The following ELAVL4 variants were observed in gnomAD, a reference collection of about 807,000 sequenced individuals.
ELAVL4 encodes the protein ELAV like RNA binding protein 4, also known as ELAV-like protein 4.
In ELAVL4, 1 loss-of-function variant was observed where a neutral mutation model predicts 35.6. The ratio of observed to expected loss-of-function variants is 0.03; its 90% confidence interval spans 0.01 to 0.13. The LOEUF (loss-of-function observed/expected upper bound fraction) is 0.13. ELAVL4 is among the 10% of genes least tolerant of loss of function. The probability of loss-of-function intolerance (pLI) is 1.00; values close to 1 mark genes in which losing one functional copy is unlikely to be tolerated. For missense variants in ELAVL4, 267 were observed against 464.9 expected, an observed-to-expected ratio of 0.57 and a Z score of 3.91; for synonymous variants, 156 against 171.0, an observed-to-expected ratio of 0.91 and a Z score of 0.69.
intron 3 of ELAVL4, among the ~76,000 whole-genome samples, chr1:50,189,482 G>A (rs1408620537): frequency 6.6e-6 from 1 of 152,246 alleles, no homozygotes; most frequent in East Asian, 1.9e-4. Context: ...AAAGCAGTGG[G>A]ATCTGTGGAA....
At chr1:50,196,617 A>T (rs1313406629) in intron 5 of ELAVL4, among the ~76,000 whole-genome samples, 4 of 152,216 alleles carry the variant, frequency 2.6e-5, no homozygotes, top group African/African-American at 9.6e-5. Flanking sequence ...AGTATGCTCC[A>T]TCTGGCTACA....
Position 50,109,016 on chromosome 1 carries a change from C to CGGGGGGGCG in ELAVL4, c.-174_-173insGGGGGGGCG. 7.5e-5 allele frequency: 68 copies of CGGGGGGGCG among 904,258 alleles called. No homozygotes were observed. Among genetic ancestry groups the CGGGGGGGCG allele is most frequent in the East Asian group, 1.2e-4 (1 of 8,068 alleles). 56.0% of individuals were successfully genotyped at this position (904,258 alleles called of 1,614,324 possible). A position where few individuals can be genotyped will look rare whatever the true frequency, so the allele number is the denominator to read the frequency against. On this transcript the variant is annotated 5_prime_UTR_variant, in exon 1 of 7. Coordinates refer to ENST00000371824, the MANE Select transcript of ELAVL4 (RefSeq NM_001144774.3). ...CTCCTTTTCTTTTTTTTCTTTCTCT[C>CGGGGGGGCG]CCCCGCCCACCCCCCCAAAAATAAT... is the stretch of plus-strand genomic sequence containing the variant.
upstream of ELAVL4, among the ~76,000 whole-genome samples, chr1:50,103,064 T>C (rs1379620896): frequency 6.6e-6 from 1 of 152,208 alleles, no homozygotes; most frequent in Non-Finnish European, 1.5e-5. Context: ...AAAGGAAACT[T>C]TTACTTTCAG....
Position 50,109,144 on chromosome 1 carries a change from A to C in ELAVL4, c.-46A>C, listed in dbSNP as rs776135039. ...ATATTCTGAAATCTTTGCAAATTTT[A>C]ACAGAAGAGTCGAAGCTCTGCGAGA... is the stretch of plus-strand genomic sequence containing the variant. On this transcript the variant is annotated 5_prime_UTR_variant, in exon 1 of 7. Coordinates refer to ENST00000371824, the MANE Select transcript of ELAVL4 (RefSeq NM_001144774.3). 55 of 1,595,310 alleles carry C rather than the reference A, an allele frequency of 3.4e-5. No individual in the cohort carries two copies. The highest frequency in any genetic ancestry group is 4.6e-5 in the Non-Finnish European group (54 of 1,173,872).
upstream of ELAVL4, chr1:50,103,844 C>T (rs529622245): frequency 2.7e-6 from 4 of 1,501,030 alleles, no homozygotes; most frequent in Non-Finnish European, 3.6e-6. Context: ...GTAATCCAGA[C>T]AGCCGGAACA....
In ELAVL4 at chr1:50,172,631, C is replaced by T. The variant is rs569258209; in HGVS notation, c.251-4458C>T. Among the ~76,000 whole-genome samples the T allele has an allele frequency of 3.3e-5, 5 of 152,274 alleles. No homozygotes were observed. The South Asian group carries it at 1.0e-3, about 32-fold the overall frequency. ...GGCAGAGTTGTCAGGGACCCTAAGA[C>T]CTACCAAGCCTAAACTACTTACTGT... On this transcript the variant is annotated intron_variant, in intron 2 of 6. Transcript: ENST00000371824.
upstream of ELAVL4, chr1:50,106,324 G>T: frequency 6.2e-7 from 1 of 1,613,572 alleles, no homozygotes; most frequent in Non-Finnish European, 8.5e-7. Flanking sequence ...GTGGCAAGGG[G>T]CTGACTGATA....
Position 50,130,496 on chromosome 1 carries a change from G to C in ELAVL4, c.10-14461G>C, listed in dbSNP as rs372017467. Reference sequence around the variant, plus strand: ...AGACACCTCTCACCATTTCTTATTAGTACCATTGGAAGGACTTAATGATAA... The same window carrying C: ...AGACACCTCTCACCATTTCTTATTACTACCATTGGAAGGACTTAATGATAA... On this transcript the variant is annotated intron_variant, in intron 1 of 6. Transcript: ENST00000371824. 1.2e-4 allele frequency among the ~76,000 whole-genome samples: 18 copies of C among 152,236 alleles called. No individual in the cohort carries two copies. The East Asian group carries it at 3.3e-3, about 28-fold the overall frequency.
intron 3 of ELAVL4, among the ~76,000 whole-genome samples, chr1:50,179,147 C>A (rs1195413500): frequency 6.6e-6 from 1 of 152,000 alleles, no homozygotes; most frequent in Non-Finnish European, 1.5e-5. Flanking sequence ...TGCCTCCTTC[C>A]GTTATCTATA....
chr1:50,063,597 G>A (rs753233834), intron 1 of ELAVL4, among the ~76,000 whole-genome samples: 6 of 151,872 alleles, frequency 4.0e-5, no homozygotes, highest in Non-Finnish European at 7.4e-5. Context: ...AGACCTCTTC[G>A]AGCGTTTCCA....
intron 2 of ELAVL4, among the ~76,000 whole-genome samples, chr1:50,167,839 C>T (rs570940492): frequency 2.0e-5 from 3 of 152,150 alleles, no homozygotes; most frequent in Non-Finnish European, 4.4e-5. Context: ...CAGTTTTTGA[C>T]CACTCAGAGA....
upstream of ELAVL4, among the ~76,000 whole-genome samples, chr1:50,104,303 T>C (rs780634630): frequency 2.6e-5 from 4 of 152,224 alleles, no homozygotes; most frequent in African/African-American, 4.8e-5. Context: ...AATATTTTAT[T>C]TACTAGGCTG....
upstream of ELAVL4, among the ~76,000 whole-genome samples, chr1:50,103,200 T>C (rs917560149): frequency 6.6e-6 from 1 of 152,208 alleles, no homozygotes; most frequent in African/African-American, 2.4e-5. Context: ...AGACATCCAT[T>C]TGTCACATTT....
chr1:50,104,322 T>C (rs950592415), upstream of ELAVL4, among the ~76,000 whole-genome samples: 5 of 152,244 alleles, frequency 3.3e-5, no homozygotes, highest in East Asian at 9.6e-4. Context: ...TGATTACATT[T>C]TAATGTTTGA....
chr1:50,074,488 T>C (rs542999928), intron 1 of ELAVL4, among the ~76,000 whole-genome samples: 11 of 152,336 alleles, frequency 7.2e-5, no homozygotes, highest in Non-Finnish European at 1.6e-4. Flanking sequence ...CAGCAACCTT[T>C]TGTCAAATAT....
intron 3 of ELAVL4, among the ~76,000 whole-genome samples, chr1:50,181,757 C>T (rs1234094529): frequency 6.6e-6 from 1 of 152,164 alleles, no homozygotes; most frequent in African/African-American, 2.4e-5. Context: ...GATCTGGGCT[C>T]ACAGCAACCT....
rs192757396 is a variant in ELAVL4, at chr1:50,109,108, A to T, written c.-82A>T. 10,837 of 1,520,718 alleles carry T rather than the reference A, an allele frequency of 7.1e-3. 50 individuals are homozygous for T. Among genetic ancestry groups the T allele is most frequent in the Non-Finnish European group, 8.8e-3 (10,038 of 1,137,104 alleles). The allele number at this position is 1,520,718 out of a possible 1,614,324, so 94.2% of individuals were successfully genotyped here. A position where few individuals can be genotyped will look rare whatever the true frequency, so the allele number is the denominator to read the frequency against. On this transcript the variant is annotated 5_prime_UTR_variant, in exon 1 of 7. Transcript: ENST00000371824. ...TTAATTATATATAACAATAGTAGTC[A>T]TTTTAAATATATATTCTGAAATCTT...
intron 1 of ELAVL4, among the ~76,000 whole-genome samples, chr1:50,111,994 C>T (rs1557713599): frequency 6.6e-6 from 1 of 152,018 alleles, no homozygotes; most frequent in Non-Finnish European, 1.5e-5. Flanking sequence ...TTTAAAAATG[C>T]TGAAATACAC....
intron 1 of ELAVL4, among the ~76,000 whole-genome samples, chr1:50,070,538 C>T (rs1046791311): frequency 2.6e-5 from 4 of 152,046 alleles, no homozygotes; most frequent in Admixed American, 6.5e-5. Flanking sequence ...GTCAGGAGTT[C>T]GAGACCAGCC....
Sources: gnomAD v4.1 joint callset for allele counts (sites outside exome capture counted in the v4.1 genomes callset) on GRCh38, gnomAD v4.1.1 for gene constraint, MANE v1.5 for transcripts, NCBI Gene and HGNC (gene_info 2026-07-23, HGNC 2026-07-21) for gene names.